Variants in SRRT observed in about 807,000 individuals in gnomAD.
SRRT encodes serrate RNA effector molecule homolog.
Under a neutral mutation model 103.2 loss-of-function variants are expected in SRRT, and 32 were observed. The ratio of observed to expected loss-of-function variants is 0.31; its 90% confidence interval spans 0.23 to 0.42. The LOEUF (loss-of-function observed/expected upper bound fraction) is 0.42. SRRT is among the 10% of genes least tolerant of loss of function. The probability of loss-of-function intolerance (pLI) is 1.00; values close to 1 mark genes in which losing one functional copy is unlikely to be tolerated. For missense variants in SRRT, 986 were observed against 1,207.5 expected (o/e 0.82, Z 2.72); for synonymous variants, 525 against 449.0 (o/e 1.17, Z -2.14).
chr7:100,888,552 C>A lies in SRRT; in HGVS notation c.*3C>A, dbSNP rs554495533. On this transcript the variant is annotated 3_prime_UTR_variant, in exon 20 of 20. Coordinates refer to ENST00000611405, the MANE Select transcript of SRRT (RefSeq NM_015908.6). ...CAGACGATGTTGATTTCTTTTGAGC[C>A]GTCCCCCGTTCCTCAGTCCTGTATC... 7.4e-6 allele frequency: 12 copies of A among 1,614,142 alleles called. No homozygotes were observed. The South Asian group carries it at 1.3e-4, about 18-fold the overall frequency.
chr7:100,883,286 T>C (rs1395602277), intron 5 of SRRT, among the ~76,000 whole-genome samples: 1 of 152,202 alleles, frequency 6.6e-6, no homozygotes, highest in Non-Finnish European at 1.5e-5. Context: ...TTTTTTAGTT[T>C]CTCTCTCTGA....
In SRRT at chr7:100,887,947, G is replaced by T. The variant is rs987583489; in HGVS notation, c.2326+88G>T. ...TCTCTTTAACGTGTCACCCCGAGAA[G>T]TTTCTGCCCCATCCTCAGGCCATAG... On this transcript the variant is annotated intron_variant, in intron 17 of 19. Coordinates refer to ENST00000611405, the MANE Select transcript of SRRT (RefSeq NM_015908.6). This position sits in a 1 kb window ranked among gnomAD's most constrained non-coding sequence, Gnocchi z 4.1. The T allele has an allele frequency of 1.8e-5, 28 of 1,541,718 alleles. No individual in the cohort carries two copies. The highest frequency in any genetic ancestry group is 2.8e-5 in the African/African-American group (2 of 72,206).
chr7:100,880,600 C>G (rs564069393), intron 2 of SRRT: 3 of 315,126 alleles, frequency 9.5e-6, no homozygotes, highest in South Asian at 6.9e-5. Flanking sequence ...CCACCGCACC[C>G]GGCTGAATAG....
intron 3 of SRRT, 72 bp from the exon 4 acceptor site, chr7:100,881,587 C>A (rs549079493): frequency 6.3e-7 from 1 of 1,599,894 alleles, no homozygotes; most frequent in East Asian, 2.3e-5. Context: ...TGTGTACCCC[C>A]GTCTGTCCAT....
At chr7:100,877,496 A>G (rs911044821) in intron 2 of SRRT, among the ~76,000 whole-genome samples, 1 of 149,054 alleles carries the variant, frequency 6.7e-6, no homozygotes, top group African/African-American at 2.5e-5. Flanking sequence ...ATTTGATTAG[A>G]TTGGACTCTT....
In SRRT at chr7:100,882,834, C is replaced by G. The variant is rs1182205278; in HGVS notation, c.587+593C>G. ...CAAACCCACCTCCACCCCCACCATA[C>G]CCAGCCCATACATGAGCCCCTGGGC... On this transcript the variant is annotated intron_variant, in intron 5 of 19. Coordinates refer to ENST00000611405, the MANE Select transcript of SRRT (RefSeq NM_015908.6). This position sits in a 1 kb window ranked among gnomAD's most constrained non-coding sequence, Gnocchi z 4.2. 1.4e-5 allele frequency: 2 copies of G among 146,622 alleles called. No homozygotes were observed. The highest frequency in any genetic ancestry group is 5.0e-5 in the African/African-American group (2 of 40,034). 9.1% of individuals were successfully genotyped at this position (146,622 alleles called of 1,614,324 possible). A position where few individuals can be genotyped will look rare whatever the true frequency, so the allele number is the denominator to read the frequency against.
chr7:100,885,335 A>G lies in SRRT; in HGVS notation c.1282A>G (p.Ile428Val), dbSNP rs775383349. The change falls in exon 10 of 20, where the codon ATC becomes GTC. Residue 428 changes from isoleucine to valine, a missense_variant. Transcript: ENST00000611405. The surrounding 1 kb of genome is among the most constrained non-coding windows in gnomAD (Gnocchi z 4.8). ...GACCTGCTCCCTCTTCATGCGCAAC[A>G]TCGCGCCCAACATCTCCCGGGCCGA... ...HKTCSLFMRN[I>V]APNISRAEII... 1.8e-5 allele frequency: 29 copies of G among 1,613,900 alleles called. No homozygotes were observed. The highest frequency in any genetic ancestry group is 4.4e-5 in the South Asian group (4 of 91,090).
At chr7:100,884,707 T>C in intron 7 of SRRT, 33 bp from the exon 8 acceptor site, 1 of 1,601,082 alleles carries the variant, frequency 6.2e-7, no homozygotes, top group Non-Finnish European at 8.5e-7. Context: ...GGAGGGGAGG[T>C]TTGACATCCC....
chr7:100,881,340 C>G lies in SRRT; in HGVS notation c.178C>G (p.Arg60Gly). ...RSRGEYRDYDRNRRERFSPPR... is the reference protein window; with the variant it reads ...RSRGEYRDYDGNRRERFSPPR... ...TCGGGGTGAATATCGGGACTATGAC[C>G]GGAATCGGCGAGAGCGCTTCTCGCC... The change falls in exon 3 of 20, where the codon CGG (arginine) becomes GGG (glycine). Residue 60 changes from arginine to glycine, a missense_variant. Around this residue, in one of 6 missense-constraint regions of SRRT, gnomAD observed 274 missense variants for 358.5 expected, o/e 0.76. Transcript: ENST00000611405. 6.2e-7 allele frequency: 1 copy of G among 1,613,640 alleles called. No homozygotes were observed. The highest frequency in any genetic ancestry group is 8.5e-7 in the Non-Finnish European group (1 of 1,179,848).
At chr7:100,877,126 T>G (rs1793307389) in intron 2 of SRRT, among the ~76,000 whole-genome samples, 1 of 143,138 alleles carries the variant, frequency 7.0e-6, no homozygotes, top group Non-Finnish European at 1.5e-5. Flanking sequence ...AGCAAAGAGT[T>G]AAAAAAAAAA....
chr7:100,887,644 G>A lies in SRRT; in HGVS notation c.2170-59G>A, dbSNP rs115529219. 2.1e-3 allele frequency: 3,388 copies of A among 1,582,446 alleles called. 42 individuals are homozygous for A. The African/African-American group carries it at 0.039, about 18-fold the overall frequency. ...GGAGCTGGGAATCCTTCCAGCTCGG[G>A]CCTGGGAGCGAGGCAACCCTTATGT... On this transcript the variant is annotated intron_variant, in intron 16 of 19. Coordinates refer to ENST00000611405, the MANE Select transcript of SRRT (RefSeq NM_015908.6). The surrounding 1 kb of genome is among the most constrained non-coding windows in gnomAD (Gnocchi z 4.1).
At position 100,882,152 on chromosome 7, in the gene SRRT, G is replaced by A. The variant is rs539649940; in HGVS notation, c.498G>A (p.Thr166=). ...CCCTGGATGACTCGGTGGATGAGACGGAGGCCGTCAAGCGCTATAATGACT... is the reference window on the plus strand; with the variant it reads ...CCCTGGATGACTCGGTGGATGAGACAGAGGCCGTCAAGCGCTATAATGACT... The part of the protein sequence containing the change: ...LLSLDDSVDE[T]EAVKRYNDYK... Residue 166 remains threonine (T), a synonymous_variant, in exon 5 of 20, where the codon ACG becomes ACA. Coordinates refer to ENST00000611405, the MANE Select transcript of SRRT (RefSeq NM_015908.6). This position sits in a 1 kb window ranked among gnomAD's most constrained non-coding sequence, Gnocchi z 4.2. The A allele has an allele frequency of 1.0e-4, 161 of 1,614,192 alleles. 2 individuals carry two copies. The highest frequency in any genetic ancestry group is 8.2e-4 in the Middle Eastern group (5 of 6,062).
chr7:100,887,851 C>A lies in SRRT; in HGVS notation c.2318C>A (p.Pro773His), dbSNP rs780248539. 1.9e-6 allele frequency: 3 copies of A among 1,604,098 alleles called. No individual in the cohort carries two copies. The South Asian group carries it at 3.3e-5, about 18-fold the overall frequency. Reference sequence around the variant, plus strand: ...ATCAAGCCAGCCCAGCCACCTGGCCCCGCCCAGAGTAAGATACGATCCATG... The same window carrying A: ...ATCAAGCCAGCCCAGCCACCTGGCCACGCCCAGAGTAAGATACGATCCATG... Reference protein sequence around the residue: ...PEIKPAQPPGPAQILPPGLTP... With the variant: ...PEIKPAQPPGHAQILPPGLTP... The change falls in exon 17 of 20, where the codon CCC (proline) becomes CAC (histidine). Residue 773 changes from proline (P) to histidine (H), a missense_variant. Around this residue, in one of 6 missense-constraint regions of SRRT, gnomAD observed 178 missense variants for 189.6 expected, o/e 0.94. Transcript: ENST00000611405. The surrounding 1 kb of genome is among the most constrained non-coding windows in gnomAD (Gnocchi z 4.1).
chr7:100,884,140 C>T lies in SRRT; in HGVS notation c.658C>T (p.Arg220Ter), dbSNP rs1446673350. ...GGAGGCCCGGGGGGCCCTGCAAAAC[C>T]GACTGAGGGTCTTCCTGTCCCTCAT... ...RQEARGALQN[R>*]LRVFLSLMET... The change falls in exon 6 of 20, where the codon CGA (arginine) becomes TGA (stop). Residue 220 changes from arginine to a stop codon, truncating the protein, a stop_gained. Coordinates refer to ENST00000611405, the MANE Select transcript of SRRT (RefSeq NM_015908.6). LOFTEE classifies it high-confidence loss of function. 6 of 1,613,596 alleles carry T rather than the reference C, an allele frequency of 3.7e-6. No homozygotes were observed. Among genetic ancestry groups the T allele is most frequent in the Admixed American group, 1.7e-5 (1 of 59,872 alleles).
At chr7:100,878,886 T>C (rs541117807) in intron 2 of SRRT, among the ~76,000 whole-genome samples, 1 of 151,964 alleles carries the variant, frequency 6.6e-6, no homozygotes, top group Admixed American at 6.6e-5. Context: ...TCTTCCTTCC[T>C]TCCTTTTCTT....
intron 2 of SRRT, among the ~76,000 whole-genome samples, chr7:100,877,812 T>C (rs1815893289): frequency 6.6e-6 from 1 of 152,122 alleles, no homozygotes; most frequent in African/African-American, 2.4e-5. Flanking sequence ...GCGTTAGTTG[T>C]CTTGAGCAAG....
intron 13 of SRRT, 85 bp downstream of exon 13, chr7:100,886,520 T>C (rs1790117704): frequency 7.2e-7 from 1 of 1,390,898 alleles, no homozygotes; most frequent in East Asian, 2.5e-5. Context: ...ATCTGTAGCC[T>C]TGAACCCTTG....
In SRRT at chr7:100,885,325, C is replaced by G; in HGVS notation, c.1272C>G (p.Phe424Leu). The G allele has an allele frequency of 6.2e-7, 1 of 1,614,164 alleles. No individual in the cohort carries two copies. Among genetic ancestry groups the G allele is most frequent in the Non-Finnish European group, 8.5e-7 (1 of 1,180,010 alleles). Residue 424 changes from phenylalanine (F) to leucine (L), a missense_variant, in exon 10 of 20, where the codon TTC (phenylalanine) becomes TTG (leucine). Coordinates refer to ENST00000611405, the MANE Select transcript of SRRT (RefSeq NM_015908.6). This position sits in a 1 kb window ranked among gnomAD's most constrained non-coding sequence, Gnocchi z 4.8. ...CGCTGCATAAGACCTGCTCCCTCTT[C>G]ATGCGCAACATCGCGCCCAACATCT... ...PRPLHKTCSL[F>L]MRNIAPNISR...
At position 100,885,797 on chromosome 7, in the gene SRRT, G is replaced by C. The variant is rs574597781; in HGVS notation, c.1379+35G>C. On this transcript the variant is annotated intron_variant, in intron 11 of 19. Coordinates refer to ENST00000611405, the MANE Select transcript of SRRT (RefSeq NM_015908.6). The surrounding 1 kb of genome is among the most constrained non-coding windows in gnomAD (Gnocchi z 4.8). ...TCGGTGCGTTGGAGGGAAAAGTGCA[G>C]GGGAACGTTAATGGCCAACACCAAC... is the stretch of plus-strand genomic sequence containing the variant. 15 of 1,613,852 alleles carry C rather than the reference G, an allele frequency of 9.3e-6. No homozygotes were observed. The South Asian group carries it at 1.6e-4, about 18-fold the overall frequency.
Sources: allele counts gnomAD v4.1 joint callset (sites outside exome capture counted in the v4.1 genomes callset), GRCh38; gene constraint gnomAD v4.1.1; regional missense constraint gnomAD v4.1.1; non-coding constraint Gnocchi (gnomAD v3.1); transcripts MANE v1.5; gene names NCBI Gene and HGNC (gene_info 2026-07-23, HGNC 2026-07-21).